The following SLCO3A1 variants were observed in gnomAD, a reference collection of about 807,000 sequenced individuals.
SLCO3A1 encodes the protein PGE1 transporter.
In SLCO3A1, 27 loss-of-function variants were observed where a neutral mutation model predicts 63.1. The observed-to-expected ratio is 0.43, with a 90% CI of 0.32 to 0.59. The LOEUF (loss-of-function observed/expected upper bound fraction) is 0.59, where lower values mean the gene tolerates loss of function less well. SLCO3A1 is among the 20% of genes least tolerant of loss of function. The pLI is 0.09. For synonymous variants in SLCO3A1, 473 were observed against 409.9 expected, an observed-to-expected ratio of 1.15 and a Z score of -1.86; for missense variants, 773 against 945.8, an observed-to-expected ratio of 0.82 and a Z score of 2.40.
At chr15:92,052,958 G>T (rs916819261) in intron 2 of SLCO3A1, among the ~76,000 whole-genome samples, 1 of 151,924 alleles carries the variant, frequency 6.6e-6, no homozygotes, top group Non-Finnish European at 1.5e-5. Context: ...AATTATATAG[G>T]TGACCCACAT....
intron 7 of SLCO3A1, among the ~76,000 whole-genome samples, chr15:92,146,020 A>T (rs1379026896): frequency 6.6e-6 from 1 of 152,206 alleles, no homozygotes; most frequent in Non-Finnish European, 1.5e-5. Context: ...TGTAAAAGCC[A>T]GAGGGGATTT....
intron 2 of SLCO3A1, among the ~76,000 whole-genome samples, chr15:92,010,511 G>T (rs1597216794): frequency 6.6e-6 from 1 of 152,148 alleles, no homozygotes; most frequent in East Asian, 1.9e-4. Flanking sequence ...ATGGCATATT[G>T]ATTGGTGTTA....
At position 92,164,145 on chromosome 15, in the gene SLCO3A1, A is replaced by C. The variant is rs2048473569; in HGVS notation, c.*1010A>C. The C allele has an allele frequency of 2.0e-6, 2 of 984,218 alleles. No individual in the cohort carries two copies. Among genetic ancestry groups the C allele is most frequent in the Non-Finnish European group, 1.2e-6 (1 of 828,876 alleles). The allele number at this position is 984,218 out of a possible 1,614,324, so 61.0% of individuals were successfully genotyped here. On this transcript the variant is annotated 3_prime_UTR_variant, in exon 10 of 10. Coordinates refer to ENST00000318445, the MANE Select transcript of SLCO3A1 (RefSeq NM_013272.4). ...TGTTAACCCTTCAAGTCACTAACAC[A>C]GTTCTCTAGGCCGGATTTATTATGC...
intron 7 of SLCO3A1, among the ~76,000 whole-genome samples, chr15:92,128,789 T>C (rs1022808225): frequency 6.6e-6 from 1 of 152,178 alleles, no homozygotes; most frequent in Non-Finnish European, 1.5e-5. Flanking sequence ...TGAAATAGGA[T>C]GTCTGCATGG....
chr15:92,020,537 C>T (rs28690144), intron 2 of SLCO3A1, among the ~76,000 whole-genome samples: 2,616 of 152,270 alleles, frequency 0.017, 72 homozygotes, highest in African/African-American at 0.06. Context: ...TTTTCATTTT[C>T]CTACAGTTTC....
intron 7 of SLCO3A1, among the ~76,000 whole-genome samples, chr15:92,136,195 G>A (rs780530381): frequency 5.3e-5 from 8 of 152,156 alleles, no homozygotes; most frequent in Non-Finnish European, 1.2e-4. Flanking sequence ...TTCCAGGGGC[G>A]ATCCTCTACC....
intron 2 of SLCO3A1, among the ~76,000 whole-genome samples, chr15:91,928,677 G>A (rs1212662401): frequency 6.6e-6 from 1 of 152,206 alleles, no homozygotes; most frequent in Non-Finnish European, 1.5e-5. Context: ...AAATGGTGAG[G>A]CGTTTCTAGG....
At chr15:92,160,844 C>T (rs2048428011) in intron 9 of SLCO3A1, among the ~76,000 whole-genome samples, 2 of 152,170 alleles carry the variant, frequency 1.3e-5, no homozygotes, top group African/African-American at 4.8e-5. Context: ...CCCCAACTGC[C>T]TTTGGAGGCC....
rs189994972 is a variant in SLCO3A1, at chr15:91,910,662, G to A, written c.181-5331G>A. 2.5e-3 allele frequency among the ~76,000 whole-genome samples: 385 copies of A among 152,328 alleles called. 6 individuals are homozygous for A. Among genetic ancestry groups the A allele is most frequent in the African/African-American group, 8.9e-3 (369 of 41,566 alleles). On this transcript the variant is annotated intron_variant, in intron 1 of 9. Transcript: ENST00000318445. Reference sequence around the variant, plus strand: ...TGCTGTCAAAGCCAGATGGGAACTCGAGGCTCTCCTGCTCCAGACTTACAC... The same window carrying A: ...TGCTGTCAAAGCCAGATGGGAACTCAAGGCTCTCCTGCTCCAGACTTACAC...
chr15:91,873,421 G>A (rs558984971), intron 1 of SLCO3A1, among the ~76,000 whole-genome samples: 51 of 151,808 alleles, frequency 3.4e-4, no homozygotes, highest in African/African-American at 1.1e-3. Context: ...CTATTATGAC[G>A]AAACAAAAAA....
At chr15:92,071,766 C>T (rs1042808976) in intron 2 of SLCO3A1, among the ~76,000 whole-genome samples, 8 of 152,204 alleles carry the variant, frequency 5.3e-5, no homozygotes, top group Non-Finnish European at 1.2e-4. Flanking sequence ...TGCATCCCCA[C>T]CTTGAAGGGA....
chr15:91,923,528 A>G (rs1278419477), intron 2 of SLCO3A1, among the ~76,000 whole-genome samples: 1 of 152,232 alleles, frequency 6.6e-6, no homozygotes, highest in Non-Finnish European at 1.5e-5. Flanking sequence ...GAGGCAGCCC[A>G]GAGTATGGCC....
intron 2 of SLCO3A1, among the ~76,000 whole-genome samples, chr15:92,059,557 G>A (rs371949871): frequency 1.6e-4 from 24 of 152,310 alleles, no homozygotes; most frequent in African/African-American, 5.3e-4. Flanking sequence ...GCGGCTGGCA[G>A]TGTGCCCACC....
chr15:91,918,419 A>G (rs886072485), intron 2 of SLCO3A1, among the ~76,000 whole-genome samples: 3 of 152,168 alleles, frequency 2.0e-5, no homozygotes, highest in Admixed American at 6.5e-5. Context: ...GCTCTGTTAC[A>G]TATGGCCAGA....
At chr15:92,072,001 G>A (rs1201798727) in intron 2 of SLCO3A1, among the ~76,000 whole-genome samples, 4 of 152,244 alleles carry the variant, frequency 2.6e-5, no homozygotes, top group African/African-American at 9.6e-5. Context: ...GGCACAAATC[G>A]GTTCTTCCCT....
At position 91,854,826 on chromosome 15, in the gene SLCO3A1, A is replaced by G. The variant is rs1896873094; in HGVS notation, c.180+738A>G. On this transcript the variant is annotated intron_variant, in intron 1 of 9. Transcript: ENST00000318445. The surrounding 1 kb of genome is among the most constrained non-coding windows in gnomAD (Gnocchi z 6.4). ...GGTTGCACCATTTTCCACAATGAAT[A>G]TGTATTTTATTTGCCTCCAGAAAGG... 6.6e-6 allele frequency among the ~76,000 whole-genome samples: 1 copy of G among 152,160 alleles called. No individual in the cohort carries two copies. The highest frequency in any genetic ancestry group is 1.5e-5 in the Non-Finnish European group (1 of 68,022).
intron 2 of SLCO3A1, among the ~76,000 whole-genome samples, chr15:91,930,196 C>G (rs554714149): frequency 2.4e-4 from 36 of 152,280 alleles, no homozygotes; most frequent in African/African-American, 8.4e-4. Context: ...GTTCCTGCAC[C>G]TCTCTGATGT....
At chr15:91,868,354 C>CT (rs72068160) in intron 1 of SLCO3A1, among the ~76,000 whole-genome samples, 5,960 of 104,804 alleles carry the variant, frequency 0.057, 496 homozygotes, top group African/African-American at 0.19. Context: ...ACCCAGCCGG[C>CT]TTTTTTTTTT....
intron 2 of SLCO3A1, among the ~76,000 whole-genome samples, chr15:92,063,639 C>T (rs1008959499): frequency 5.9e-5 from 9 of 152,150 alleles, no homozygotes; most frequent in Non-Finnish European, 1.2e-4. Flanking sequence ...GTGGATGGAT[C>T]AGGAGTTTGA....
Sources: gnomAD v4.1 joint callset for allele counts (sites outside exome capture counted in the v4.1 genomes callset) on GRCh38, gnomAD v4.1.1 for gene constraint, Gnocchi (gnomAD v3.1) non-coding constraint, MANE v1.5 for transcripts, NCBI Gene and HGNC (gene_info 2026-07-23, HGNC 2026-07-21) for gene names.